CSMD3: variants seen among roughly 807,000 people sequenced by gnomAD.
CSMD3 encodes CUB and Sushi multiple domains 3.
CSMD3 carries 177 observed loss-of-function variants against 435.2 expected under a neutral mutation model. That is an observed-to-expected ratio of 0.41 (90% CI 0.36 to 0.46). The LOEUF is 0.46. Among genes scored for constraint, CSMD3 ranks in the 20% least tolerant of loss-of-function variants. CSMD3 has a pLI of 0.34. For synonymous variants in CSMD3, 1,656 were observed against 1,520.5 expected, an observed-to-expected ratio of 1.09 and a Z score of -2.07; for missense variants, 4,265 against 4,504.6, an observed-to-expected ratio of 0.95 and a Z score of 1.52.
At chr8:113,323,548 C>G (rs967240952) in intron 1 of CSMD3, among the ~76,000 whole-genome samples, 2 of 152,242 alleles carry the variant, frequency 1.3e-5, no homozygotes, top group Admixed American at 6.5e-5. Context: ...TATAAGATTT[C>G]AAAATGACCT....
chr8:113,080,832 A>T (rs765420545), intron 5 of CSMD3, among the ~76,000 whole-genome samples: 6 of 152,154 alleles, frequency 3.9e-5, no homozygotes, highest in Admixed American at 3.9e-4. Flanking sequence ...AAAACTCACG[A>T]TATTTTTACA....
In CSMD3 at chr8:112,695,994, T is replaced by A. The variant is rs941772938; in HGVS notation, c.1973-5944A>T. Among the ~76,000 whole-genome samples, 12 of 152,114 alleles carry A rather than the reference T, an allele frequency of 7.9e-5. No homozygotes were observed. In the South Asian group the frequency reaches 2.5e-3, roughly 32 times the overall value. On this transcript the variant is annotated intron_variant, in intron 13 of 70. Transcript: ENST00000297405. Reference sequence around the variant, plus strand: ...CCATTCACAATTGCTTCAAAGAGAATAAAATACCTAAGAATCCAACCTACA... The same window carrying A: ...CCATTCACAATTGCTTCAAAGAGAAAAAAATACCTAAGAATCCAACCTACA...
intron 13 of CSMD3, among the ~76,000 whole-genome samples, chr8:112,776,634 G>A (rs576937092): frequency 9.6e-4 from 146 of 151,780 alleles, no homozygotes; most frequent in Non-Finnish European, 1.7e-3. Context: ...AAGACATATT[G>A]TGAGCAGCAA....
At chr8:112,313,197 G>C (rs1034278159) in intron 49 of CSMD3, among the ~76,000 whole-genome samples, 2 of 152,118 alleles carry the variant, frequency 1.3e-5, no homozygotes, top group African/African-American at 4.8e-5. Flanking sequence ...TAAACAGGAA[G>C]ACATAATAGA....
intron 1 of CSMD3, among the ~76,000 whole-genome samples, chr8:113,413,078 G>A (rs748932016): frequency 1.2e-4 from 18 of 152,072 alleles, no homozygotes; most frequent in African/African-American, 1.7e-4. Flanking sequence ...TCTAATGTTC[G>A]TTTAATTACA....
At chr8:113,301,551 A>G (rs2093767879) in intron 2 of CSMD3, among the ~76,000 whole-genome samples, 1 of 151,910 alleles carries the variant, frequency 6.6e-6, no homozygotes, top group South Asian at 2.1e-4. Flanking sequence ...TACCACAAAA[A>G]TGTAGGCAGT....
intron 23 of CSMD3, among the ~76,000 whole-genome samples, chr8:112,581,766 T>C (rs1830353261): frequency 6.6e-6 from 1 of 152,046 alleles, no homozygotes; most frequent in Admixed American, 6.6e-5. Flanking sequence ...TAACTATGAA[T>C]GCATAATATT....
At chr8:112,614,157 G>A (rs1833489451) in intron 22 of CSMD3, among the ~76,000 whole-genome samples, 2 of 152,106 alleles carry the variant, frequency 1.3e-5, no homozygotes, top group South Asian at 4.1e-4. Flanking sequence ...TGCAGGCAGA[G>A]GGAATAGCAA....
At position 112,638,983 on chromosome 8, in the gene CSMD3, C is replaced by T. The variant is rs186903573; in HGVS notation, c.3311-72G>A. On this transcript the variant is annotated intron_variant, in intron 20 of 70. Coordinates refer to ENST00000297405, the MANE Select transcript of CSMD3 (RefSeq NM_198123.2). ...ACACAGAGAGTTACTGTCAAACTAA[C>T]TATTAGCCAGGACTTTACTTATAAT... 579 of 1,039,706 alleles carry T rather than the reference C, an allele frequency of 5.6e-4. 4 individuals carry two copies. The East Asian group carries it at 0.012, about 22-fold the overall frequency. 64.4% of individuals were successfully genotyped at this position (1,039,706 alleles called of 1,614,324 possible). A position where few individuals can be genotyped will look rare whatever the true frequency, so the allele number is the denominator to read the frequency against.
intron 32 of CSMD3, among the ~76,000 whole-genome samples, chr8:112,420,607 A>G (rs1178151240): frequency 6.6e-6 from 1 of 151,984 alleles, no homozygotes; most frequent in African/African-American, 2.4e-5. Flanking sequence ...TTAATGACAT[A>G]TATTTGTGAA....
intron 2 of CSMD3, among the ~76,000 whole-genome samples, chr8:113,280,675 GTTATTTCCT>G (rs1249231258): frequency 1.3e-5 from 2 of 151,610 alleles, no homozygotes; most frequent in Admixed American, 1.3e-4. Context: ...TCTGATCTTG[GTTATTTCCT>G]TTCTTCTACC....
intron 12 of CSMD3, among the ~76,000 whole-genome samples, chr8:112,808,363 T>C (rs1169443714): frequency 2.0e-5 from 3 of 152,094 alleles, no homozygotes; most frequent in African/African-American, 7.2e-5. Context: ...TATCCTACCT[T>C]GTTTTAACTG....
intron 30 of CSMD3, among the ~76,000 whole-genome samples, chr8:112,500,296 T>C (rs1396156580): frequency 6.6e-6 from 1 of 152,134 alleles, no homozygotes; most frequent in East Asian, 1.9e-4. Context: ...TCAATATGTG[T>C]GAAATCATGA....
chr8:112,398,306 G>A (rs1011567221), intron 35 of CSMD3, among the ~76,000 whole-genome samples: 1 of 152,144 alleles, frequency 6.6e-6, no homozygotes, highest in Non-Finnish European at 1.5e-5. Flanking sequence ...TCTTACTTCT[G>A]TAGGTTTGCT....
intron 13 of CSMD3, among the ~76,000 whole-genome samples, chr8:112,746,417 TAG>T (rs1252589472): frequency 6.6e-6 from 1 of 152,154 alleles, no homozygotes; most frequent in Non-Finnish European, 1.5e-5. Flanking sequence ...TTGATTGTGA[TAG>T]AGTCAGTAGC....
intron 23 of CSMD3, among the ~76,000 whole-genome samples, chr8:112,578,668 A>G (rs774131782): frequency 6.6e-6 from 1 of 152,088 alleles, no homozygotes; most frequent in Non-Finnish European, 1.5e-5. Context: ...AATAACATTT[A>G]TTGCAATACA....
chr8:113,174,736 CATATT>C (rs1162015862), intron 3 of CSMD3, among the ~76,000 whole-genome samples: 9 of 151,942 alleles, frequency 5.9e-5, no homozygotes, highest in African/African-American at 2.2e-4. Context: ...TATTTGTTCT[CATATT>C]GTTTTCTAAA....
At chr8:113,248,477 GTATATATACATATA>G (rs2093300872) in intron 3 of CSMD3, among the ~76,000 whole-genome samples, 1 of 133,024 alleles carries the variant, frequency 7.5e-6, no homozygotes, top group African/African-American at 2.8e-5. Context: ...TGATATATAT[GTATATATACATATA>G]TATACACACA....
chr8:112,473,800 T>C (rs1297464577), intron 31 of CSMD3, among the ~76,000 whole-genome samples: 1 of 151,406 alleles, frequency 6.6e-6, no homozygotes, highest in Non-Finnish European at 1.5e-5. Flanking sequence ...AGTTTCCTGA[T>C]TGGTGAGCCC....
Sources: allele counts gnomAD v4.1 joint callset (sites outside exome capture counted in the v4.1 genomes callset), GRCh38; gene constraint gnomAD v4.1.1; transcripts MANE v1.5; gene names NCBI Gene and HGNC (gene_info 2026-07-23, HGNC 2026-07-21).